Variants in KLK1 observed in about 807,000 individuals in gnomAD.
KLK1 encodes the protein kallikrein 1.
A neutral mutation model predicts 23.3 loss-of-function variants in KLK1; 22 were observed. The observed-to-expected ratio is 0.95, with a 90% CI of 0.68 to 1.35. The LOEUF is 1.35. KLK1 is among the 40% of genes most tolerant of loss of function. The pLI is 0.00. For synonymous variants in KLK1, 140 were observed against 135.8 expected (o/e 1.03, Z -0.21); for missense variants, 301 against 338.9 (o/e 0.89, Z 0.88).
intron 1 of KLK1, 45 bp downstream of exon 1, chr19:50,823,658 A>G: frequency 7.5e-7 from 1 of 1,334,800 alleles, no homozygotes; most frequent in Non-Finnish European, 1.1e-6. Flanking sequence ...GGCCAGCAAG[A>G]GAATCAGGGC....
rs764407784 is a variant in KLK1 at position 50,821,882 on chromosome 19, G to A, written c.47-11C>T. 8.8e-6 allele frequency: 14 copies of A among 1,599,384 alleles called. No individual in the cohort carries two copies. Among genetic ancestry groups the A allele is most frequent in the Admixed American group, 3.4e-5 (2 of 58,916 alleles). On this transcript the variant is annotated splice_polypyrimidine_tract_variant and intron_variant, in intron 1 of 4. Coordinates refer to ENST00000301420, the MANE Select transcript of KLK1 (RefSeq NM_002257.4). This position sits in a 1 kb window ranked among gnomAD's most constrained non-coding sequence, Gnocchi z 5.6. ...TCGGGGGCGCAGCACCTGCAGAGGC[G>A]GTGCTGGGTCAGGAAGGGCAGGGTT...
chr19:50,821,595 T>A lies in KLK1; in HGVS notation c.206+117A>T. ...CTGCCAGGCGACCTGCGCCAGAGCCTTCCTCTCTGCCTCAGCCCCCCAGTC... is the reference window on the plus strand; with the variant it reads ...CTGCCAGGCGACCTGCGCCAGAGCCATCCTCTCTGCCTCAGCCCCCCAGTC... On this transcript the variant is annotated intron_variant, in intron 2 of 4. Transcript: ENST00000301420. The surrounding 1 kb of genome is among the most constrained non-coding windows in gnomAD (Gnocchi z 5.6). 1 of 1,369,000 alleles carries A rather than the reference T, an allele frequency of 7.3e-7. No individual in the cohort carries two copies. Among genetic ancestry groups the A allele is most frequent in the Non-Finnish European group, 9.6e-7 (1 of 1,038,170 alleles). The allele number at this position is 1,369,000 out of a possible 1,614,324, so 84.8% of individuals were successfully genotyped here.
chr19:50,821,695 C>A lies in KLK1; in HGVS notation c.206+17G>T. The A allele has an allele frequency of 6.3e-7, 1 of 1,581,712 alleles. No individual in the cohort carries two copies. Among genetic ancestry groups the A allele is most frequent in the African/African-American group, 1.3e-5 (1 of 74,414 alleles). ...CAGCATAGATGCCCTCCTCCCAGACCCCAGGCCCCTACTCACTCGCTGATG... is the reference window on the plus strand; with the variant it reads ...CAGCATAGATGCCCTCCTCCCAGACACCAGGCCCCTACTCACTCGCTGATG... On this transcript the variant is annotated intron_variant, in intron 2 of 4. Coordinates refer to ENST00000301420, the MANE Select transcript of KLK1 (RefSeq NM_002257.4). The surrounding 1 kb of genome is among the most constrained non-coding windows in gnomAD (Gnocchi z 5.6).
chr19:50,819,385 G>A, intron 4 of KLK1, 36 bp from the exon 5 acceptor site: 5 of 1,572,644 alleles, frequency 3.2e-6, no homozygotes, highest in Non-Finnish European at 4.3e-6. Flanking sequence ...AGTGAGAAAG[G>A]TCTACGGGGC....
chr19:50,819,349 C>G lies in KLK1; in HGVS notation c.634G>C (p.Gly212Arg). 6.2e-7 allele frequency: 1 copy of G among 1,606,502 alleles called. No individual in the cohort carries two copies. Among genetic ancestry groups the G allele is most frequent in the Non-Finnish European group, 8.5e-7 (1 of 1,174,380 alleles). ...CACATCAGCGGGCCCCCTGAATCAC[C>G]CTGGGAGCACAAGGTGGGAGGGGAG... ...HLEGGKDTCV[G>R]DSGGPLMCDG... Residue 212 changes from glycine to arginine, a missense_variant and splice_region_variant, in exon 5 of 5, where the codon GGT becomes CGT. Coordinates refer to ENST00000301420, the MANE Select transcript of KLK1 (RefSeq NM_002257.4).
Position 50,820,020 on chromosome 19 carries a change from T to G in KLK1, c.512A>C (p.Asp171Ala). The G allele has an allele frequency of 6.2e-7, 1 of 1,614,086 alleles. No homozygotes were observed. Among genetic ancestry groups the G allele is most frequent in the East Asian group, 2.2e-5 (1 of 44,862 alleles). The stretch of plus-strand genomic sequence containing the variant: ...GATTTTGAGGTCCACACACTGGAGA[T>G]CATCTGGAAATGAGACTACGAACCC... ...IEPENFSFPDDLQCVDLKILP... is the reference protein window; with the variant it reads ...IEPENFSFPDALQCVDLKILP... Residue 171 changes from aspartate to alanine, a missense_variant, in exon 4 of 5, where the codon GAT becomes GCT. Asp to Ala is a moderately radical substitution (Grantham distance 126). Transcript: ENST00000301420.
chr19:50,822,839 G>A (rs538486506), intron 1 of KLK1: 90 of 973,994 alleles, frequency 9.2e-5, no homozygotes, highest in Non-Finnish European at 1.5e-5. Flanking sequence ...TGCAATGCAG[G>A]ACCCACTTGA....
intron 3 of KLK1, 41 bp from the exon 4 acceptor site, chr19:50,820,076 C>T: frequency 6.2e-7 from 1 of 1,612,194 alleles, no homozygotes; most frequent in Non-Finnish European, 8.5e-7. Flanking sequence ...CCGACCTCAC[C>T]TGCTTCCCTG....
At chr19:50,822,215 T>C (rs1009889302) in intron 1 of KLK1, 4 of 1,034,256 alleles carry the variant, frequency 3.9e-6, no homozygotes, top group African/African-American at 1.7e-5. Context: ...GGTGGTGGGT[T>C]AGGGGAGTGG....
At chr19:50,819,425 C>T (rs1355105221) in intron 4 of KLK1, 76 bp from the exon 5 acceptor site, 1 of 1,433,302 alleles carries the variant, frequency 7.0e-7, no homozygotes, top group Non-Finnish European at 9.5e-7. Flanking sequence ...CCCCAGCTCG[C>T]AGACAGGGCC....
In KLK1 at chr19:50,823,706, TC is replaced by T; in HGVS notation, c.42del (p.Thr15LeufsTer89). 13 of 1,591,850 alleles carry T rather than the reference TC, an allele frequency of 8.2e-6. No homozygotes were observed. The highest frequency in any genetic ancestry group is 1.4e-5 in the African/African-American group (1 of 73,486). ...LVLCLALSLG[G>X]TGAAPPIQSR... The stretch of plus-strand genomic sequence containing the variant: ...CCACATCCCCCCACTGTCTCACCAG[TC>T]CCCCCCAGGGACAGGGCGAGGCACA... On this transcript the variant is annotated frameshift_variant, in exon 1 of 5. Coordinates refer to ENST00000301420, the MANE Select transcript of KLK1 (RefSeq NM_002257.4). LOFTEE classifies it high-confidence loss of function.
chr19:50,819,203 C>T lies in KLK1; in HGVS notation c.780G>A (p.Glu260=), dbSNP rs1180493884. The part of the protein sequence containing the change: ...YVKWIEDTIA[E]NS ...GGACAGGGCTGGGCGTTCAGGAGTT[C>T]TCCGCTATGGTGTCCTCGATCCACT... Residue 260 remains glutamate (E), a synonymous_variant, in exon 5 of 5, where the codon GAG becomes GAA. Transcript: ENST00000301420. The T allele has an allele frequency of 6.2e-7, 1 of 1,611,962 alleles. No individual in the cohort carries two copies. Among genetic ancestry groups the T allele is most frequent in the East Asian group, 2.2e-5 (1 of 44,828 alleles).
At chr19:50,819,623 C>T (rs3212833) in intron 4 of KLK1, among the ~76,000 whole-genome samples, 33,519 of 152,120 alleles carry the variant, frequency 0.22, 4,854 homozygotes, top group East Asian at 0.58. Flanking sequence ...GCTGCCCCTG[C>T]GGGCACATCG....
intron 1 of KLK1, chr19:50,822,148 G>A: frequency 8.8e-7 from 1 of 1,141,920 alleles, no homozygotes; most frequent in South Asian, 3.6e-5. Flanking sequence ...ACAGTGTCTG[G>A]AGCAGACACT....
chr19:50,822,390 G>A lies in KLK1; in HGVS notation c.47-519C>T, dbSNP rs554566619. 12 of 986,824 alleles carry A rather than the reference G, an allele frequency of 1.2e-5. No individual in the cohort carries two copies. In the African/African-American group the frequency reaches 2.1e-4, roughly 17 times the overall value. The allele number at this position is 986,824 out of a possible 1,614,324, so 61.1% of individuals were successfully genotyped here. ...GATGCAGCTTTAGGGAACCAGGTCT[G>A]AGAGGTAAAGAAGAGCATCTGGACT... On this transcript the variant is annotated intron_variant, in intron 1 of 4. Transcript: ENST00000301420.
At chr19:50,822,059 A>G in intron 1 of KLK1, 188 bp from the exon 2 acceptor site, 1 of 1,361,476 alleles carries the variant, frequency 7.3e-7, no homozygotes. Context: ...GGGCTTTTGG[A>G]GTGGTGGCTG....
At chr19:50,820,545 G>C in intron 2 of KLK1, 102 bp from the exon 3 acceptor site, 7 of 834,542 alleles carry the variant, frequency 8.4e-6, no homozygotes, top group Non-Finnish European at 1.3e-5. Context: ...AAGGGAAAGA[G>C]AAAAATGTGG....
intron 1 of KLK1, among the ~76,000 whole-genome samples, chr19:50,823,457 G>C (rs2089840509): frequency 6.6e-6 from 1 of 152,014 alleles, no homozygotes; most frequent in Non-Finnish European, 1.5e-5. Context: ...AAGTACTGAG[G>C]CTTCCTGGGA....
intron 4 of KLK1, 94 bp downstream of exon 4, chr19:50,819,805 G>T: frequency 7.9e-7 from 1 of 1,270,390 alleles, no homozygotes; most frequent in Non-Finnish European, 1.1e-6. Flanking sequence ...CTGGGAAGCA[G>T]TGAAGCAGAT....
Sources: allele counts gnomAD v4.1 joint callset (sites outside exome capture counted in the v4.1 genomes callset), GRCh38; gene constraint gnomAD v4.1.1; non-coding constraint Gnocchi (gnomAD v3.1); transcripts MANE v1.5; gene names NCBI Gene and HGNC (gene_info 2026-07-23, HGNC 2026-07-21).